Variants in TYW1 observed in about 807,000 individuals in gnomAD.
The protein encoded by TYW1 is S-adenosyl-L-methionine-dependent tRNA 4-demethylwyosine synthase TYW1.
Under a neutral mutation model 96.2 loss-of-function variants are expected in TYW1, and 46 were observed. The ratio of observed to expected loss-of-function variants is 0.48; its 90% CI spans 0.38 to 0.61. The LOEUF is 0.61. Ranked by LOEUF, TYW1 falls within the 20% of genes least tolerant of loss-of-function variation. TYW1 has a pLI of 0.00. For missense variants in TYW1, 684 were observed against 909.6 expected, an observed-to-expected ratio of 0.75 and a Z score of 3.19; for synonymous variants, 274 against 323.0, an observed-to-expected ratio of 0.85 and a Z score of 1.63.
chr7:67,220,170 T>C (rs1056788138), intron 15 of TYW1, among the ~76,000 whole-genome samples: 15 of 149,974 alleles, frequency 1.0e-4, no homozygotes, highest in Middle Eastern at 3.4e-3. Context: ...CTCTACAAAT[T>C]TGTGAATTTT....
intron 13 of TYW1, 58 bp from the exon 14 acceptor site, chr7:67,183,068 A>G (rs1460627644): frequency 2.1e-6 from 3 of 1,456,762 alleles, no homozygotes; most frequent in Non-Finnish European, 2.8e-6. Context: ...GAAACCCTCT[A>G]GGTTAAGAGG....
intron 13 of TYW1, among the ~76,000 whole-genome samples, chr7:67,124,051 G>T (rs1192456085): frequency 1.3e-5 from 2 of 152,148 alleles, no homozygotes; most frequent in East Asian, 1.9e-4. Flanking sequence ...TCAGCTTAAA[G>T]AATTGCATAG....
intron 7 of TYW1, among the ~76,000 whole-genome samples, chr7:67,049,527 A>G (rs1795293763): frequency 6.6e-6 from 1 of 151,944 alleles, no homozygotes; most frequent in Non-Finnish European, 1.5e-5. Context: ...CCCTTTTTAA[A>G]AATTTTTTTT....
chr7:67,215,314 C>G (rs1188410720), intron 15 of TYW1, among the ~76,000 whole-genome samples: 1 of 152,076 alleles, frequency 6.6e-6, no homozygotes, highest in Non-Finnish European at 1.5e-5. Context: ...GTCCCAAATT[C>G]TCAAGACAAA....
At position 67,017,742 on chromosome 7, in the gene TYW1, G is replaced by C. The variant is rs1584467656; in HGVS notation, c.571-111G>C. The C allele has an allele frequency of 6.3e-6, 9 of 1,436,002 alleles. No individual in the cohort carries two copies. In the East Asian group the frequency reaches 2.1e-4, roughly 33 times the overall value. 89.0% of individuals were successfully genotyped at this position (1,436,002 alleles called of 1,614,324 possible). ...TTTGCCAGCAATTTCCTCTTCCTTA[G>C]CGGCAGCCCATGACCAGGGGCCTCG... On this transcript the variant is annotated intron_variant, in intron 5 of 15. Transcript: ENST00000359626.
chr7:67,159,415 AC>A (rs1299418768), intron 13 of TYW1, among the ~76,000 whole-genome samples: 16 of 152,244 alleles, frequency 1.1e-4, no homozygotes, highest in African/African-American at 3.1e-4. Flanking sequence ...GCACATTCTT[AC>A]ATGATGAAGT....
At chr7:67,176,258 T>C (rs4295533) in intron 13 of TYW1, among the ~76,000 whole-genome samples, 42,783 of 152,110 alleles carry the variant, frequency 0.28, 6,534 homozygotes, top group African/African-American at 0.4. Flanking sequence ...TTGAGAGAAA[T>C]TTTAAAGGAT....
At chr7:67,071,869 G>A (rs555625726) in intron 10 of TYW1, among the ~76,000 whole-genome samples, 538 of 152,050 alleles carry the variant, frequency 3.5e-3, no homozygotes, top group Non-Finnish European at 6.1e-3. Context: ...TGATCCACCC[G>A]CCTTGGCCTT....
intron 9 of TYW1, among the ~76,000 whole-genome samples, chr7:67,058,564 C>T (rs113063081): frequency 0.017 from 2,643 of 152,162 alleles, 75 homozygotes; most frequent in African/African-American, 0.06. Flanking sequence ...CTCACTGCAG[C>T]CTCCCACCTC....
chr7:67,223,654 T>A (rs1406544831), intron 15 of TYW1, among the ~76,000 whole-genome samples: 2 of 150,656 alleles, frequency 1.3e-5, no homozygotes, highest in African/African-American at 4.9e-5. Context: ...CACCCTTCCA[T>A]GACAAGAACA....
At chr7:67,106,707 A>T (rs1227881360) in intron 12 of TYW1, among the ~76,000 whole-genome samples, 1 of 152,218 alleles carries the variant, frequency 6.6e-6, no homozygotes, top group Non-Finnish European at 1.5e-5. Context: ...TATTTAGTCC[A>T]CGTTAACTGT....
chr7:67,112,120 A>AAAAAAAAG (rs1424171580), intron 12 of TYW1, among the ~76,000 whole-genome samples: 1 of 148,682 alleles, frequency 6.7e-6, no homozygotes, highest in Admixed American at 6.8e-5. Flanking sequence ...AAAAAAAAAA[A>AAAAAAAAG]AAAGAAAGTG....
At chr7:67,058,423 C>T (rs1584510777) in intron 9 of TYW1, among the ~76,000 whole-genome samples, 1 of 152,112 alleles carries the variant, frequency 6.6e-6, no homozygotes, top group Non-Finnish European at 1.5e-5. Context: ...GCCGAGGGGG[C>T]GGACAGAGTT....
intron 15 of TYW1, among the ~76,000 whole-genome samples, chr7:67,204,540 T>C (rs1194242984): frequency 2.1e-5 from 3 of 143,842 alleles, no homozygotes; most frequent in African/African-American, 8.2e-5. Flanking sequence ...CCTCTTCCTC[T>C]TCCTCTTCTT....
At chr7:67,133,654 A>G (rs1798159409) in intron 13 of TYW1, among the ~76,000 whole-genome samples, 2 of 135,406 alleles carry the variant, frequency 1.5e-5, no homozygotes, top group South Asian at 4.8e-4. Flanking sequence ...TTGGAATTAC[A>G]GGTGTGAGCC....
At chr7:67,032,354 T>G (rs1562975269) in intron 7 of TYW1, among the ~76,000 whole-genome samples, 1 of 151,930 alleles carries the variant, frequency 6.6e-6, no homozygotes, top group East Asian at 1.9e-4. Flanking sequence ...CGTGCTGAAT[T>G]GCACATGTAA....
chr7:67,045,665 T>G (rs1795166449), intron 7 of TYW1, among the ~76,000 whole-genome samples: 1 of 152,256 alleles, frequency 6.6e-6, no homozygotes, highest in Non-Finnish European at 1.5e-5. Flanking sequence ...GCTTAGGAAG[T>G]TAGCTCATAA....
intron 12 of TYW1, among the ~76,000 whole-genome samples, chr7:67,108,381 A>G (rs190171610): frequency 1.2e-3 from 179 of 152,222 alleles, no homozygotes; most frequent in African/African-American, 4.1e-3. Flanking sequence ...GGAATTAACA[A>G]ATTTAACCTA....
intron 13 of TYW1, among the ~76,000 whole-genome samples, chr7:67,181,146 T>G (rs1192789582): frequency 6.6e-6 from 1 of 152,224 alleles, no homozygotes; most frequent in African/African-American, 2.4e-5. Flanking sequence ...GATGATCATG[T>G]GGTTTTTCTG....
Sources: gnomAD v4.1 joint callset for allele counts (sites outside exome capture counted in the v4.1 genomes callset) on GRCh38, gnomAD v4.1.1 for gene constraint, MANE v1.5 for transcripts, NCBI Gene and HGNC (gene_info 2026-07-23, HGNC 2026-07-21) for gene names.